GATAD2B: variants seen among roughly 807,000 people sequenced by gnomAD.
GATAD2B encodes the protein transcriptional repressor p66-beta.
In GATAD2B, 8 loss-of-function variants were observed where a neutral mutation model predicts 64.3. The ratio of observed to expected loss-of-function variants is 0.12; its 90% CI spans 0.07 to 0.22. GATAD2B has a LOEUF of 0.22. Ranked by LOEUF, GATAD2B falls within the 10% of genes least tolerant of loss-of-function variation. The pLI, the probability that GATAD2B is intolerant of heterozygous loss-of-function variation, is 1.00. For synonymous variants in GATAD2B, 281 were observed against 271.3 expected, an observed-to-expected ratio of 1.04 and a Z score of -0.35; for missense variants, 453 against 752.0, an observed-to-expected ratio of 0.60 and a Z score of 4.65.
chr1:153,812,932 T>C (rs1366007767), intron 8 of GATAD2B, among the ~76,000 whole-genome samples: 1 of 152,196 alleles, frequency 6.6e-6, no homozygotes, highest in Non-Finnish European at 1.5e-5. Context: ...TTCAAAGAGA[T>C]TTATAGCACA....
At chr1:153,898,472 T>A (rs1214705867) in intron 1 of GATAD2B, among the ~76,000 whole-genome samples, 5 of 152,056 alleles carry the variant, frequency 3.3e-5, no homozygotes, top group Non-Finnish European at 7.4e-5. Flanking sequence ...ACGCCTGTAA[T>A]CCCAGCACTT....
chr1:153,894,179 A>G (rs765908923), intron 1 of GATAD2B, among the ~76,000 whole-genome samples: 75 of 151,898 alleles, frequency 4.9e-4, no homozygotes, highest in African/African-American at 1.7e-3. Flanking sequence ...CATAAAACAG[A>G]CTTCTGGGAC....
intron 1 of GATAD2B, among the ~76,000 whole-genome samples, chr1:153,899,804 G>A (rs1366884828): frequency 6.6e-6 from 1 of 152,126 alleles, no homozygotes; most frequent in Non-Finnish European, 1.5e-5. Flanking sequence ...TAGCCTGTTG[G>A]TGCGGTTGTA....
intron 1 of GATAD2B, among the ~76,000 whole-genome samples, chr1:153,888,826 A>C (rs970988869): frequency 7.2e-5 from 11 of 152,154 alleles, no homozygotes; most frequent in African/African-American, 2.7e-4. Flanking sequence ...TTTCACTTAG[A>C]GCTTCAGACA....
chr1:153,820,966 C>T (rs888296031), intron 2 of GATAD2B, among the ~76,000 whole-genome samples: 2 of 133,628 alleles, frequency 1.5e-5, no homozygotes, highest in African/African-American at 5.7e-5. Flanking sequence ...TTGCTGTTGG[C>T]ACATGGAATT....
chr1:153,915,160 C>G (rs1001344846), intron 1 of GATAD2B, among the ~76,000 whole-genome samples: 4 of 152,136 alleles, frequency 2.6e-5, no homozygotes, highest in African/African-American at 9.7e-5. Flanking sequence ...GAGGCGGTGG[C>G]TCACGCCTGT....
intron 1 of GATAD2B, among the ~76,000 whole-genome samples, chr1:153,888,939 T>C (rs889697820): frequency 5.9e-5 from 9 of 152,096 alleles, no homozygotes; most frequent in South Asian, 2.1e-4. Context: ...AAAAAATATA[T>C]AGCTACCCTC....
intron 1 of GATAD2B, among the ~76,000 whole-genome samples, chr1:153,897,657 C>A (rs1373167369): frequency 1.3e-5 from 2 of 152,068 alleles, no homozygotes; most frequent in Non-Finnish European, 2.9e-5. Flanking sequence ...AGAAAAATTT[C>A]TTCTATAGGG....
At chr1:153,859,242 C>T (rs1019011649) in intron 1 of GATAD2B, among the ~76,000 whole-genome samples, 5 of 151,412 alleles carry the variant, frequency 3.3e-5, no homozygotes, top group African/African-American at 1.2e-4. Context: ...TGGAGTGTGC[C>T]TGTTGTTCCA....
chr1:153,873,675 G>A (rs1017537421), intron 1 of GATAD2B, among the ~76,000 whole-genome samples: 1 of 152,190 alleles, frequency 6.6e-6, no homozygotes, highest in Non-Finnish European at 1.5e-5. Flanking sequence ...GGTCATGGTG[G>A]CTCATGCCTG....
At chr1:153,916,950 G>A (rs1184418929) in intron 1 of GATAD2B, among the ~76,000 whole-genome samples, 1 of 151,808 alleles carries the variant, frequency 6.6e-6, no homozygotes, top group Non-Finnish European at 1.5e-5. Context: ...TGGGATTACA[G>A]GCGCCCACCA....
At chr1:153,866,583 T>C (rs1297832281) in intron 1 of GATAD2B, among the ~76,000 whole-genome samples, 2 of 152,170 alleles carry the variant, frequency 1.3e-5, no homozygotes, top group Non-Finnish European at 2.9e-5. Context: ...CTATTATCAA[T>C]CAATCCCAGT....
At position 153,807,129 on chromosome 1, in the gene GATAD2B, G is replaced by A. The variant is rs1674134949; in HGVS notation, c.*3048C>T. The A allele has an allele frequency of 1.3e-5, 2 of 152,140 alleles. No homozygotes were observed. Among genetic ancestry groups the A allele is most frequent in the Admixed American group, 6.5e-5 (1 of 15,278 alleles). The allele number at this position is 152,140 out of a possible 1,614,324, so 9.4% of individuals were successfully genotyped here. A position where few individuals can be genotyped will look rare whatever the true frequency, so the allele number is the denominator to read the frequency against. On this transcript the variant is annotated 3_prime_UTR_variant, in exon 11 of 11. Transcript: ENST00000368655. The stretch of plus-strand genomic sequence containing the variant: ...ATTCCACCCATTTCAGGCTTCCAGG[G>A]AGTAAGACACCAACCTTAAAATACT...
At chr1:153,897,060 T>C (rs1677619832) in intron 1 of GATAD2B, among the ~76,000 whole-genome samples, 1 of 150,422 alleles carries the variant, frequency 6.6e-6, no homozygotes, top group Non-Finnish European at 1.5e-5. Context: ...AGATGGAGTG[T>C]TGCTGTCGCC....
chr1:153,884,021 G>A (rs888594075), intron 1 of GATAD2B, among the ~76,000 whole-genome samples: 2 of 151,990 alleles, frequency 1.3e-5, no homozygotes, highest in Non-Finnish European at 2.9e-5. Context: ...TCTTTGCCAG[G>A]CGTGGTGGCT....
chr1:153,838,881 T>C (rs1483123731), intron 1 of GATAD2B, among the ~76,000 whole-genome samples: 1 of 151,910 alleles, frequency 6.6e-6, no homozygotes, highest in East Asian at 1.9e-4. Flanking sequence ...AGGCCAAGGA[T>C]GGCAGATCAT....
chr1:153,855,940 C>T (rs933714412), intron 1 of GATAD2B, among the ~76,000 whole-genome samples: 2 of 152,200 alleles, frequency 1.3e-5, no homozygotes, highest in African/African-American at 4.8e-5. Context: ...GCCTTGGCCT[C>T]CCAAAGTGCT....
intron 7 of GATAD2B, among the ~76,000 whole-genome samples, chr1:153,815,288 AAAAAC>A (rs1674435044): frequency 6.8e-5 from 10 of 146,456 alleles, no homozygotes; most frequent in South Asian, 2.2e-4. Flanking sequence ...AACAAAAAAA[AAAAAC>A]AAAAAAAAAA....
chr1:153,895,348 A>G (rs934821238), intron 1 of GATAD2B, among the ~76,000 whole-genome samples: 16 of 151,866 alleles, frequency 1.1e-4, no homozygotes, highest in Admixed American at 9.8e-4. Context: ...AAAAAAAAAA[A>G]GTTTACAGAA....
Sources: gnomAD v4.1 joint callset for allele counts (sites outside exome capture counted in the v4.1 genomes callset) on GRCh38, gnomAD v4.1.1 for gene constraint, MANE v1.5 for transcripts, NCBI Gene and HGNC (gene_info 2026-07-23, HGNC 2026-07-21) for gene names.